The following CCDC180 variants were observed in gnomAD, a reference collection of about 807,000 sequenced individuals.
The protein encoded by CCDC180 is coiled-coil domain-containing protein 180.
A neutral mutation model predicts 209.2 loss-of-function variants in CCDC180; 154 were observed. That is an observed-to-expected ratio of 0.74 (90% CI 0.65 to 0.84). The LOEUF (loss-of-function observed/expected upper bound fraction) is 0.84. CCDC180 is among the 40% of genes least tolerant of loss of function. CCDC180 has a pLI of 0.00. For missense variants in CCDC180, 1,874 were observed against 1,997.3 expected, an observed-to-expected ratio of 0.94 and a Z score of 1.18; for synonymous variants, 778 against 749.1, an observed-to-expected ratio of 1.04 and a Z score of -0.63.
intron 18 of CCDC180, among the ~76,000 whole-genome samples, chr9:97,338,421 C>T (rs1825975343): frequency 6.6e-6 from 1 of 152,086 alleles, no homozygotes; most frequent in Admixed American, 6.5e-5. Flanking sequence ...CGTTATTTAC[C>T]TGGTAGTCAT....
At position 97,314,530 on chromosome 9, in the gene CCDC180, C is replaced by A; in HGVS notation, c.588+9C>A. On this transcript the variant is annotated intron_variant, in intron 6 of 36. Coordinates refer to ENST00000529487, the MANE Select transcript of CCDC180 (RefSeq NM_020893.6). ...AGGACTACACCATCCAAGTAGGGGTCCCTTCGTGGCTGGGCCTGCCCCACC... is the reference window on the plus strand; with the variant it reads ...AGGACTACACCATCCAAGTAGGGGTACCTTCGTGGCTGGGCCTGCCCCACC... 6.2e-7 allele frequency: 1 copy of A among 1,614,052 alleles called. No individual in the cohort carries two copies. Among genetic ancestry groups the A allele is most frequent in the Non-Finnish European group, 8.5e-7 (1 of 1,179,958 alleles).
At chr9:97,329,831 G>A (rs1825673091) in intron 16 of CCDC180, among the ~76,000 whole-genome samples, 1 of 152,188 alleles carries the variant, frequency 6.6e-6, no homozygotes, top group South Asian at 2.1e-4. Flanking sequence ...CACTTTGGGA[G>A]GCCGAGGCGG....
At chr9:97,327,928 A>G in intron 15 of CCDC180, 92 bp from the exon 16 acceptor site, 1 of 1,419,110 alleles carries the variant, frequency 7.0e-7, no homozygotes, top group African/African-American at 1.4e-5. Flanking sequence ...GCAGCTCTAC[A>G]CAGAGTTGTG....
At chr9:97,352,669 A>G (rs1423581727) in intron 22 of CCDC180, among the ~76,000 whole-genome samples, 2 of 152,188 alleles carry the variant, frequency 1.3e-5, no homozygotes, top group Non-Finnish European at 2.9e-5. Flanking sequence ...TGTTTTAAAT[A>G]TTATTAAGAT....
intron 15 of CCDC180, 47 bp from the exon 16 acceptor site, chr9:97,327,973 G>T (rs761616460): frequency 1.3e-6 from 2 of 1,588,144 alleles, no homozygotes; most frequent in South Asian, 1.2e-5. Context: ...GGGGTCAGGG[G>T]TGTGGTTCCT....
intron 18 of CCDC180, among the ~76,000 whole-genome samples, chr9:97,333,223 A>T (rs1042077451): frequency 2.0e-5 from 3 of 152,184 alleles, no homozygotes; most frequent in African/African-American, 7.2e-5. Context: ...AGCCTACTTG[A>T]TCATGGTGAA....
chr9:97,355,164 C>CT (rs1286874918), intron 24 of CCDC180, among the ~76,000 whole-genome samples, 156 bp downstream of exon 24: 2 of 151,500 alleles, frequency 1.3e-5, no homozygotes, highest in African/African-American at 4.8e-5. Context: ...TTCTTTTTTT[C>CT]TTTTTTTTGA....
chr9:97,349,433 G>C, intron 21 of CCDC180, 142 bp downstream of exon 21: 1 of 729,428 alleles, frequency 1.4e-6, no homozygotes. Context: ...AACTCTTCAA[G>C]AGAGTCAAGT....
intron 18 of CCDC180, among the ~76,000 whole-genome samples, chr9:97,334,192 A>C: frequency 6.6e-6 from 1 of 152,126 alleles, no homozygotes. Context: ...CCTATCCTAG[A>C]GATAAGGGAC....
At chr9:97,349,935 A>T (rs1826375262) in intron 21 of CCDC180, among the ~76,000 whole-genome samples, 2 of 152,106 alleles carry the variant, frequency 1.3e-5, no homozygotes, top group Admixed American at 1.3e-4. Flanking sequence ...GACACAGCCC[A>T]TTGGAGCAGG....
At position 97,367,957 on chromosome 9, in the gene CCDC180, G is replaced by C. The variant is rs182760669; in HGVS notation, c.4189+1257G>C. Among the ~76,000 whole-genome samples, 854 of 152,264 alleles carry C rather than the reference G, an allele frequency of 5.6e-3. 2 individuals carry two copies. Among genetic ancestry groups the C allele is most frequent in the Non-Finnish European group, 7.6e-3 (519 of 68,012 alleles). On this transcript the variant is annotated intron_variant, in intron 31 of 36. Transcript: ENST00000529487. ...CTACAGGCATTGTTTTGTTTCTCTA[G>C]CTCAGAATTTCCCCCAAGTGATCTC...
In CCDC180 at chr9:97,366,538, C is replaced by T. The variant is rs1229585344; in HGVS notation, c.4048-21C>T. 5 of 1,612,326 alleles carry T rather than the reference C, an allele frequency of 3.1e-6. No individual in the cohort carries two copies. The South Asian group carries it at 4.4e-5, about 14-fold the overall frequency. Reference sequence around the variant, plus strand: ...GAGTCCCATGGAGTCCTCACCCGCACATGGTCACCCTCTCTGGCAGGAGTT... The same window carrying T: ...GAGTCCCATGGAGTCCTCACCCGCATATGGTCACCCTCTCTGGCAGGAGTT... On this transcript the variant is annotated intron_variant, in intron 30 of 36. Transcript: ENST00000529487. This position sits in a 1 kb window ranked among gnomAD's most constrained non-coding sequence, Gnocchi z 4.3.
chr9:97,375,522 C>G lies in CCDC180; in HGVS notation c.4775C>G (p.Ser1592Trp), dbSNP rs566316997. 1.2e-5 allele frequency: 19 copies of G among 1,614,242 alleles called. No homozygotes were observed. The highest frequency in any genetic ancestry group is 8.3e-5 in the Admixed American group (5 of 60,032). ...QNKILLQPTS[S>W]ISTTKTTLGH... ...AAGATTCTTCTCCAGCCAACATCAT[C>G]GATTTCCACCACCAAAACCACCCTG... Residue 1592 changes from serine (S) to tryptophan (W), a missense_variant, in exon 36 of 37, where the codon TCG (serine) becomes TGG (tryptophan). Physicochemically the swap from Ser to Trp is radical, Grantham distance 177. Coordinates refer to ENST00000529487, the MANE Select transcript of CCDC180 (RefSeq NM_020893.6).
At chr9:97,365,074 C>T (rs1826880778) in intron 29 of CCDC180, 1 of 152,292 alleles carries the variant, frequency 6.6e-6, no homozygotes, top group Non-Finnish European at 1.5e-5. Context: ...CGAGGGAACA[C>T]CAGGGGACAC....
intron 11 of CCDC180, among the ~76,000 whole-genome samples, 161 bp from the exon 12 acceptor site, chr9:97,322,672 C>T (rs975310842): frequency 1.3e-5 from 2 of 152,210 alleles, no homozygotes; most frequent in Non-Finnish European, 2.9e-5. Flanking sequence ...ATGTCAGGAA[C>T]TTTGTAAGGG....
intron 20 of CCDC180, among the ~76,000 whole-genome samples, chr9:97,348,264 G>GA (rs1473491075): frequency 6.6e-6 from 1 of 152,170 alleles, no homozygotes; most frequent in Non-Finnish European, 1.5e-5. Context: ...CTGGAGCAGG[G>GA]AAAGAGTTGT....
Position 97,309,619 on chromosome 9 carries a change from C to CCATGCCTCAGT in CCDC180, c.260+24_260+25insGTCATGCCTCA, listed in dbSNP as rs1432557891. 5 of 1,532,224 alleles carry CCATGCCTCAGT rather than the reference C, an allele frequency of 3.3e-6. No individual in the cohort carries two copies. The South Asian group carries it at 6.4e-5, about 19-fold the overall frequency. 94.9% of individuals were successfully genotyped at this position (1,532,224 alleles called of 1,614,324 possible). ...GTTCTCCACAGGTAGGTCCTGTTGT[C>CCATGCCTCAGT]CATGCCTCACCCCCATGCACTAGGG... On this transcript the variant is annotated intron_variant, in intron 3 of 36. Coordinates refer to ENST00000529487, the MANE Select transcript of CCDC180 (RefSeq NM_020893.6).
chr9:97,336,068 C>T (rs531968209), intron 18 of CCDC180, among the ~76,000 whole-genome samples: 1 of 152,160 alleles, frequency 6.6e-6, no homozygotes, highest in African/African-American at 2.4e-5. Flanking sequence ...TTTGTAGATT[C>T]TGGATATTAG....
chr9:97,312,225 G>A (rs752164767), intron 4 of CCDC180, 24 bp downstream of exon 4: 1 of 1,606,012 alleles, frequency 6.2e-7, no homozygotes, highest in South Asian at 1.1e-5. Context: ...CAGCCTCAAG[G>A]CAGGCCTGTC....
Sources: allele counts gnomAD v4.1 joint callset (sites outside exome capture counted in the v4.1 genomes callset), GRCh38; gene constraint gnomAD v4.1.1; non-coding constraint Gnocchi (gnomAD v3.1); transcripts MANE v1.5; gene names NCBI Gene and HGNC (gene_info 2026-07-23, HGNC 2026-07-21).